Variants in EHBP1 observed in about 807,000 individuals in gnomAD.
EHBP1 encodes the protein EH domain-binding protein 1.
Under a neutral mutation model 144.0 loss-of-function variants are expected in EHBP1, and 55 were observed. That is an observed-to-expected ratio of 0.38 (90% CI 0.31 to 0.48). The LOEUF (loss-of-function observed/expected upper bound fraction) is 0.48. Among genes scored for constraint, EHBP1 ranks in the 20% least tolerant of loss-of-function variants. The probability of loss-of-function intolerance (pLI) is 0.98; values close to 1 mark genes in which losing one functional copy is unlikely to be tolerated. For missense variants in EHBP1, 1,200 were observed against 1,364.2 expected, an observed-to-expected ratio of 0.88 and a Z score of 1.90; for synonymous variants, 469 against 472.7, an observed-to-expected ratio of 0.99 and a Z score of 0.10.
At chr2:62,936,690 A>T (rs921596710) in intron 10 of EHBP1, among the ~76,000 whole-genome samples, 1 of 151,950 alleles carries the variant, frequency 6.6e-6, no homozygotes, top group Non-Finnish European at 1.5e-5. Context: ...TAAAAAAAAA[A>T]TTTAATTATG....
rs375163741 is a variant in EHBP1 at position 62,864,789 on chromosome 2, C to T, written c.816C>T (p.Ser272=). ...RKTEDSFYNN[S]YNPFKEVQTP... ...CAGAAGACTCTTTTTATAATAACAGCTATAATCCCTTTAAAGAGGTGCAGA... is the reference window on the plus strand; with the variant it reads ...CAGAAGACTCTTTTTATAATAACAGTTATAATCCCTTTAAAGAGGTGCAGA... Residue 272 remains serine, a synonymous_variant, in exon 9 of 23, where the codon AGC becomes AGT. Transcript: ENST00000431489. 1.4e-5 allele frequency: 22 copies of T among 1,613,802 alleles called. No individual in the cohort carries two copies. In the African/African-American group the frequency reaches 2.8e-4, roughly 21 times the overall value.
At chr2:62,895,928 G>C (rs757339453) in intron 10 of EHBP1, among the ~76,000 whole-genome samples, 8 of 152,112 alleles carry the variant, frequency 5.3e-5, no homozygotes, top group Non-Finnish European at 8.8e-5. Flanking sequence ...ATTGAGTACT[G>C]AACTGTATGC....
intron 1 of EHBP1, among the ~76,000 whole-genome samples, chr2:62,684,701 T>C (rs2033659965): frequency 6.6e-6 from 1 of 152,178 alleles, no homozygotes; most frequent in Non-Finnish European, 1.5e-5. Flanking sequence ...AGCCCATCAA[T>C]GGCTTAGAAG....
At chr2:62,817,636 G>A (rs1366170542) in intron 5 of EHBP1, among the ~76,000 whole-genome samples, 3 of 152,164 alleles carry the variant, frequency 2.0e-5, no homozygotes, top group African/African-American at 7.2e-5. Context: ...TAGTTTCTGT[G>A]TTCAGAATAA....
intron 7 of EHBP1, among the ~76,000 whole-genome samples, chr2:62,849,761 T>A (rs1403238023): frequency 1.3e-5 from 2 of 152,200 alleles, no homozygotes; most frequent in African/African-American, 4.8e-5. Context: ...AATTGCTAGT[T>A]GTTAGAAATA....
chr2:62,998,590 G>A (rs2059731212), intron 19 of EHBP1, among the ~76,000 whole-genome samples: 1 of 152,020 alleles, frequency 6.6e-6, no homozygotes, highest in South Asian at 2.1e-4. Context: ...TTAGCACTTG[G>A]AGCCTGATTT....
intron 5 of EHBP1, among the ~76,000 whole-genome samples, chr2:62,780,112 A>G (rs1180846252): frequency 6.6e-6 from 1 of 152,088 alleles, no homozygotes; most frequent in Non-Finnish European, 1.5e-5. Context: ...TGCCTTTTAG[A>G]TGATCTCTCT....
At chr2:62,929,776 C>G (rs960908807) in intron 10 of EHBP1, among the ~76,000 whole-genome samples, 1 of 151,958 alleles carries the variant, frequency 6.6e-6, no homozygotes, top group Non-Finnish European at 1.5e-5. Flanking sequence ...ATAAGATTAT[C>G]TCTGTTTGCT....
intron 10 of EHBP1, among the ~76,000 whole-genome samples, chr2:62,919,555 A>T (rs932427338): frequency 2.0e-5 from 3 of 152,210 alleles, no homozygotes; most frequent in Non-Finnish European, 2.9e-5. Context: ...CTAGAAGGGA[A>T]TAATGACTTT....
In EHBP1 at chr2:62,764,791, T is replaced by C. The variant is rs1440771486; in HGVS notation, c.258+430T>C. On this transcript the variant is annotated intron_variant, in intron 4 of 22. Transcript: ENST00000431489. ...GTGTTTTAAATTGATATTTGATAAATATTTTATTGATATTAGTATTTATAA... is the reference window on the plus strand; with the variant it reads ...GTGTTTTAAATTGATATTTGATAAACATTTTATTGATATTAGTATTTATAA... Among the ~76,000 whole-genome samples, 5 of 152,238 alleles carry C rather than the reference T, an allele frequency of 3.3e-5. No homozygotes were observed. In the East Asian group the frequency reaches 9.6e-4, roughly 29 times the overall value.
At chr2:62,764,447 C>T in intron 4 of EHBP1, 86 bp downstream of exon 4, 4 of 1,044,690 alleles carry the variant, frequency 3.8e-6, no homozygotes, top group Non-Finnish European at 5.4e-6. Context: ...TTGTTCTATA[C>T]ATTTGTGTCC....
chr2:63,030,742 C>T (rs917828800), intron 19 of EHBP1, among the ~76,000 whole-genome samples: 1 of 149,466 alleles, frequency 6.7e-6, no homozygotes, highest in Non-Finnish European at 1.5e-5. Flanking sequence ...CTGCCTGCCT[C>T]GGCATCCCAA....
intron 2 of EHBP1, among the ~76,000 whole-genome samples, chr2:62,709,948 C>T (rs1315480553): frequency 1.3e-5 from 2 of 152,044 alleles, no homozygotes; most frequent in Non-Finnish European, 2.9e-5. Context: ...TCCTTGATTG[C>T]CACATGAAGG....
intron 1 of EHBP1, among the ~76,000 whole-genome samples, chr2:62,677,708 C>T (rs1296095494): frequency 6.6e-6 from 1 of 151,984 alleles, no homozygotes; most frequent in African/African-American, 2.4e-5. Context: ...TTAATTTTTA[C>T]CTCCCACAAA....
At chr2:62,869,059 A>G (rs2050258917) in intron 9 of EHBP1, among the ~76,000 whole-genome samples, 1 of 152,356 alleles carries the variant, frequency 6.6e-6, no homozygotes, top group South Asian at 2.1e-4. Flanking sequence ...GCTCAGCTTC[A>G]TTAGTCATCA....
At chr2:62,754,691 G>A (rs907414055) in intron 3 of EHBP1, among the ~76,000 whole-genome samples, 1 of 152,226 alleles carries the variant, frequency 6.6e-6, no homozygotes, top group East Asian at 1.9e-4. Flanking sequence ...GCAATGGTGG[G>A]TGCCCCTCCC....
At chr2:63,021,531 A>G (rs1395628948) in intron 19 of EHBP1, among the ~76,000 whole-genome samples, 1 of 152,204 alleles carries the variant, frequency 6.6e-6, no homozygotes, top group African/African-American at 2.4e-5. Context: ...TGAGAAATCT[A>G]TTTTAGGACA....
intron 7 of EHBP1, among the ~76,000 whole-genome samples, chr2:62,856,110 G>C (rs191914746): frequency 1.3e-5 from 2 of 152,158 alleles, no homozygotes; most frequent in Non-Finnish European, 2.9e-5. Flanking sequence ...CCCTCCACTT[G>C]CCTGTGTACC....
At chr2:62,864,682 A>G (rs1407900648) in intron 8 of EHBP1, 49 bp from the exon 9 acceptor site, 1 of 1,541,504 alleles carries the variant, frequency 6.5e-7, no homozygotes, top group Non-Finnish European at 8.8e-7. Context: ...ATATTAGAAA[A>G]TATCATATGG....
Sources: allele counts gnomAD v4.1 joint callset (sites outside exome capture counted in the v4.1 genomes callset), GRCh38; gene constraint gnomAD v4.1.1; transcripts MANE v1.5; gene names NCBI Gene and HGNC (gene_info 2026-07-23, HGNC 2026-07-21).